Variants in TTLL5 observed in about 807,000 individuals in gnomAD.
TTLL5 encodes the protein tubulin polyglutamylase TTLL5.
In TTLL5, 132 loss-of-function variants were observed where a neutral mutation model predicts 168.4. That is an observed-to-expected ratio of 0.78 (90% CI 0.68 to 0.91). The LOEUF is 0.91. TTLL5 is among the 40% of genes least tolerant of loss of function. The pLI is 0.00. For missense variants in TTLL5, 1,545 were observed against 1,581.5 expected, an observed-to-expected ratio of 0.98 and a Z score of 0.39; for synonymous variants, 546 against 558.6, an observed-to-expected ratio of 0.98 and a Z score of 0.32.
At chr14:75,772,939 T>C (rs987730735) in intron 21 of TTLL5, among the ~76,000 whole-genome samples, 2 of 152,104 alleles carry the variant, frequency 1.3e-5, no homozygotes, top group African/African-American at 4.8e-5. Flanking sequence ...AGTGCTGGGA[T>C]TATAGGTATG....
intron 8 of TTLL5, 45 bp downstream of exon 8, chr14:75,707,132 C>T (rs776333158): frequency 6.6e-7 from 1 of 1,507,408 alleles, no homozygotes; most frequent in Non-Finnish European, 9.2e-7. Flanking sequence ...CAGATTTTTG[C>T]TCAACTTTTT....
At chr14:75,715,137 A>AC (rs1887343096) in intron 9 of TTLL5, among the ~76,000 whole-genome samples, 1 of 151,666 alleles carries the variant, frequency 6.6e-6, no homozygotes, top group African/African-American at 2.4e-5. Context: ...CAGTTTCCTG[A>AC]CCCCACTGGG....
At chr14:75,910,620 G>C (rs765359784) in intron 31 of TTLL5, among the ~76,000 whole-genome samples, 2 of 152,088 alleles carry the variant, frequency 1.3e-5, no homozygotes, top group Non-Finnish European at 2.9e-5. Flanking sequence ...GCTAAGCCAC[G>C]CCTGTCTTTG....
At chr14:75,884,463 A>T (rs139904211) in intron 30 of TTLL5, among the ~76,000 whole-genome samples, 1 of 152,354 alleles carries the variant, frequency 6.6e-6, no homozygotes, top group African/African-American at 2.4e-5. Flanking sequence ...ATGGAATTGC[A>T]GCTCTTTGGA....
intron 15 of TTLL5, among the ~76,000 whole-genome samples, chr14:75,743,463 C>CTGTTGGCTTA (rs1889389708): frequency 2.0e-5 from 3 of 151,018 alleles, no homozygotes; most frequent in Middle Eastern, 6.8e-3. Context: ...AGTCTTTTTT[C>CTGTTGGCTTA]TGTTGGCTTA....
chr14:75,797,065 T>C (rs950210203), intron 27 of TTLL5, among the ~76,000 whole-genome samples: 3 of 152,238 alleles, frequency 2.0e-5, no homozygotes, highest in Non-Finnish European at 2.9e-5. Context: ...GGGATGTGTT[T>C]CCATTTGTTT....
In TTLL5 at chr14:75,776,830, G is replaced by A; in HGVS notation, c.2367G>A (p.Gln789=). ...ATGGGGTGAATATGGAAAACTTTCA[G>A]GAGTTCATCAGACAAGCAAGGTAGT... ...EEDGVNMENF[Q]EFIRQASEAE... is the part of the protein sequence containing the mutation. The change falls in exon 23 of 32, where the codon CAG becomes CAA. Residue 789 remains glutamine, a synonymous_variant. Transcript: ENST00000298832. The A allele has an allele frequency of 6.2e-7, 1 of 1,613,720 alleles. No individual in the cohort carries two copies. The highest frequency in any genetic ancestry group is 8.5e-7 in the Non-Finnish European group (1 of 1,179,754).
chr14:75,764,553 A>G (rs1264064559), intron 18 of TTLL5, 62 bp from the exon 19 acceptor site: 1 of 1,586,994 alleles, frequency 6.3e-7, no homozygotes. Flanking sequence ...TGGGAAGCTT[A>G]GCCTTGGAAT....
At chr14:75,916,997 A>G (rs1201071836) in intron 31 of TTLL5, among the ~76,000 whole-genome samples, 1 of 152,218 alleles carries the variant, frequency 6.6e-6, no homozygotes, top group Non-Finnish European at 1.5e-5. Flanking sequence ...TCGGAAAGGT[A>G]GAAAGTAGAA....
At chr14:75,897,392 CTTA>C (rs1376079959) in intron 30 of TTLL5, among the ~76,000 whole-genome samples, 2 of 152,160 alleles carry the variant, frequency 1.3e-5, no homozygotes, top group Admixed American at 6.5e-5. Flanking sequence ...GGTCATGTGT[CTTA>C]TTATAGTTTT....
intron 31 of TTLL5, chr14:75,930,516 A>G: frequency 1.2e-6 from 1 of 836,154 alleles, no homozygotes; most frequent in Non-Finnish European, 1.4e-6. Context: ...CAAAATCTAA[A>G]ACACTTCTAG....
At chr14:75,733,159 A>G (rs1009565299) in intron 13 of TTLL5, among the ~76,000 whole-genome samples, 1 of 152,264 alleles carries the variant, frequency 6.6e-6, no homozygotes, top group Non-Finnish European at 1.5e-5. Flanking sequence ...CTTAACCTCC[A>G]TAGTAAGGTG....
intron 28 of TTLL5, among the ~76,000 whole-genome samples, chr14:75,854,780 A>C (rs1897047313): frequency 6.6e-6 from 1 of 152,198 alleles, no homozygotes; most frequent in African/African-American, 2.4e-5. Flanking sequence ...CTTGTTAGCC[A>C]GTCACATATT....
In TTLL5 at chr14:75,783,314, G is replaced by C. The variant is rs1336405410; in HGVS notation, c.2770G>C (p.Ala924Pro). The C allele has an allele frequency of 6.2e-7, 1 of 1,614,056 alleles. No homozygotes were observed. Among genetic ancestry groups the C allele is most frequent in the Admixed American group, 1.7e-5 (1 of 60,004 alleles). The stretch of plus-strand genomic sequence containing the variant: ...TTCTTCTTTATCTCAAATTCCTTCA[G>C]CTATCCCCAGCATGCCTCACCAGCC... The part of the protein sequence containing the change: ...HHSSLSQIPS[A>P]IPSMPHQPTI... Residue 924 changes from alanine to proline, a missense_variant, in exon 26 of 32, where the codon GCT (alanine) becomes CCT (proline). Coordinates refer to ENST00000298832, the MANE Select transcript of TTLL5 (RefSeq NM_015072.5).
chr14:75,854,140 C>T (rs1897017400), intron 28 of TTLL5, among the ~76,000 whole-genome samples: 1 of 152,158 alleles, frequency 6.6e-6, no homozygotes, highest in African/African-American at 2.4e-5. Flanking sequence ...TGCAACACAA[C>T]ATACAGAACA....
chr14:75,738,190 G>A (rs1566582373), intron 15 of TTLL5, among the ~76,000 whole-genome samples: 1 of 152,150 alleles, frequency 6.6e-6, no homozygotes, highest in Non-Finnish European at 1.5e-5. Context: ...TTTGTTAGCA[G>A]TATTTGAGAT....
intron 18 of TTLL5, among the ~76,000 whole-genome samples, chr14:75,763,814 G>A (rs1052508587): frequency 5.3e-5 from 8 of 152,252 alleles, no homozygotes; most frequent in Middle Eastern, 3.4e-3. Context: ...GCTGGTGCCA[G>A]CCCCCTTTCC....
intron 26 of TTLL5, among the ~76,000 whole-genome samples, chr14:75,783,776 T>C (rs960611863): frequency 2.0e-5 from 3 of 152,230 alleles, no homozygotes; most frequent in African/African-American, 7.2e-5. Context: ...ACAAGGCTTC[T>C]GTTCACTAGG....
At chr14:75,902,521 C>CT (rs1397603427) in intron 31 of TTLL5, 7 of 565,084 alleles carry the variant, frequency 1.2e-5, no homozygotes, top group Admixed American at 2.2e-5. Context: ...ATTTCACTGT[C>CT]TATGTTGTAT....
Sources: allele counts gnomAD v4.1 joint callset (sites outside exome capture counted in the v4.1 genomes callset), GRCh38; gene constraint gnomAD v4.1.1; transcripts MANE v1.5; gene names NCBI Gene and HGNC (gene_info 2026-07-23, HGNC 2026-07-21).